SLC8A1: variants seen among roughly 807,000 people sequenced by gnomAD.
SLC8A1 encodes the protein sodium/calcium exchanger 1.
A neutral mutation model predicts 68.3 loss-of-function variants in SLC8A1; 18 were observed. The observed-to-expected ratio is 0.26, with a 90% CI of 0.18 to 0.39. The LOEUF is 0.39. Ranked by LOEUF, SLC8A1 falls within the 10% of genes least tolerant of loss-of-function variation. SLC8A1 has a pLI of 1.00. For missense variants in SLC8A1, 985 were observed against 1,156.7 expected (o/e 0.85, Z 2.15); for synonymous variants, 475 against 415.5 (o/e 1.14, Z -1.74).
rs1267235088 is a variant in SLC8A1 at position 40,494,013 on chromosome 2, AC to A, written c.-25+18335del. ...TCAAATATTAATACAACTTGGATAA[AC>A]TTTTTTTTTTCCTTATCTACCTGAA... On this transcript the variant is annotated intron_variant, in intron 1 of 7. Transcript: ENST00000402441. 3.3e-5 allele frequency among the ~76,000 whole-genome samples: 5 copies of A among 149,916 alleles called. No individual in the cohort carries two copies. The East Asian group carries it at 7.8e-4, about 24-fold the overall frequency.
intron 2 of SLC8A1, among the ~76,000 whole-genome samples, chr2:40,306,478 T>G (rs1194735861): frequency 6.6e-6 from 1 of 152,164 alleles, no homozygotes; most frequent in Non-Finnish European, 1.5e-5. Flanking sequence ...GTGGAATATT[T>G]CAGTGCAAAC....
At chr2:40,277,314 G>T (rs1272090778) in intron 2 of SLC8A1, among the ~76,000 whole-genome samples, 1 of 152,036 alleles carries the variant, frequency 6.6e-6, no homozygotes. Context: ...GCCAAGGCGG[G>T]CGATCACTTG....
intron 2 of SLC8A1, among the ~76,000 whole-genome samples, chr2:40,363,761 A>G (rs1348536223): frequency 6.6e-6 from 1 of 152,102 alleles, no homozygotes; most frequent in Non-Finnish European, 1.5e-5. Flanking sequence ...AGTTGTTATG[A>G]GGACTGTGCC....
intron 1 of SLC8A1, among the ~76,000 whole-genome samples, chr2:40,504,718 C>T (rs910510653): frequency 3.3e-5 from 5 of 151,970 alleles, no homozygotes; most frequent in Admixed American, 6.6e-5. Context: ...ATGTGCTCAA[C>T]ACCACTGATC....
chr2:40,133,709 C>CT (rs1421644157), intron 7 of SLC8A1, among the ~76,000 whole-genome samples: 1 of 57,478 alleles, frequency 1.7e-5, no homozygotes, highest in South Asian at 7.6e-4. Context: ...AATCCCCCCC[C>CT]CCCACCGACT....
At chr2:40,342,487 T>C (rs547673559) in intron 2 of SLC8A1, among the ~76,000 whole-genome samples, 6 of 143,914 alleles carry the variant, frequency 4.2e-5, no homozygotes, top group Middle Eastern at 3.6e-3. Flanking sequence ...TTGAAAAGAA[T>C]AGTAGTAAAA....
intron 1 of SLC8A1, among the ~76,000 whole-genome samples, chr2:40,447,577 C>T (rs574558993): frequency 1.4e-4 from 17 of 122,370 alleles, no homozygotes; most frequent in African/African-American, 5.1e-4. Flanking sequence ...ACCTGATAAA[C>T]CAATCCAAGT....
At chr2:40,348,995 C>G (rs1181707144) in intron 2 of SLC8A1, among the ~76,000 whole-genome samples, 1 of 152,236 alleles carries the variant, frequency 6.6e-6, no homozygotes, top group Middle Eastern at 3.4e-3. Context: ...TTTTGAGAAT[C>G]TGAGGAATGT....
intron 1 of SLC8A1, among the ~76,000 whole-genome samples, chr2:40,432,415 GTGTGTGTGTA>G (rs1426488018): frequency 4.1e-5 from 6 of 144,814 alleles, no homozygotes; most frequent in South Asian, 2.3e-4. Context: ...GTGTGTGTGT[GTGTGTGTGTA>G]TGTGTCAGTG....
At position 40,219,044 on chromosome 2, in the gene SLC8A1, A is replaced by T. The variant is rs376845140; in HGVS notation, c.1809-41189T>A. Among the ~76,000 whole-genome samples the T allele has an allele frequency of 2.0e-5, 3 of 152,366 alleles. No individual in the cohort carries two copies. The East Asian group carries it at 5.8e-4, about 29-fold the overall frequency. On this transcript the variant is annotated intron_variant, in intron 2 of 7. Transcript: ENST00000406785. The stretch of plus-strand genomic sequence containing the variant: ...AAGTCAAATCCTATTTCTTGGTCTG[A>T]TATAATCTCCATAATCATAAAGATC...
chr2:40,356,576 CA>C (rs1559368195), intron 2 of SLC8A1, among the ~76,000 whole-genome samples: 1 of 149,556 alleles, frequency 6.7e-6, no homozygotes, highest in Non-Finnish European at 1.5e-5. Flanking sequence ...ATGTTGGTTT[CA>C]AAATCACGTA....
intron 7 of SLC8A1, among the ~76,000 whole-genome samples, chr2:40,135,696 C>T (rs986354348): frequency 3.3e-5 from 5 of 151,940 alleles, no homozygotes; most frequent in Non-Finnish European, 7.4e-5. Flanking sequence ...CCAGCCTGGG[C>T]GACAGAGCGA....
At chr2:40,115,225 T>C (rs529067751) in exon 8 of SLC8A1, 18 of 1,476,524 alleles carry the variant, frequency 1.2e-5, no homozygotes, top group Non-Finnish European at 1.5e-5. Context: ...TATGTATATA[T>C]ATAAATTTAC....
intron 2 of SLC8A1, among the ~76,000 whole-genome samples, chr2:40,205,019 T>G (rs2055123039): frequency 6.6e-6 from 1 of 152,112 alleles, no homozygotes; most frequent in Admixed American, 6.6e-5. Context: ...GCTTCACTTT[T>G]CATACGTGCA....
At chr2:40,500,283 C>G (rs974315812) in intron 1 of SLC8A1, among the ~76,000 whole-genome samples, 10 of 152,096 alleles carry the variant, frequency 6.6e-5, no homozygotes, top group African/African-American at 2.4e-4. Context: ...TGGACCATAC[C>G]TTTCTCATAT....
chr2:40,364,454 A>AC (rs1230622594), intron 2 of SLC8A1, among the ~76,000 whole-genome samples: 2 of 151,688 alleles, frequency 1.3e-5, no homozygotes, highest in South Asian at 2.1e-4. Flanking sequence ...GTAAAACAAA[A>AC]AAAAAACAAT....
At chr2:40,354,688 T>C (rs1320672822) in intron 2 of SLC8A1, among the ~76,000 whole-genome samples, 2 of 152,060 alleles carry the variant, frequency 1.3e-5, no homozygotes, top group African/African-American at 4.8e-5. Flanking sequence ...TAACATATAA[T>C]ATTCAGAGTG....
chr2:40,160,009 T>C (rs2045379871), intron 6 of SLC8A1, among the ~76,000 whole-genome samples: 1 of 152,144 alleles, frequency 6.6e-6, no homozygotes, highest in Admixed American at 6.6e-5. Flanking sequence ...GGAGGGATCT[T>C]TAAAGAGAGC....
chr2:40,353,457 T>C (rs75690329), intron 2 of SLC8A1, among the ~76,000 whole-genome samples: 17 of 152,236 alleles, frequency 1.1e-4, no homozygotes, highest in Non-Finnish European at 2.4e-4. Context: ...AAAATGGCTC[T>C]GACCCATTAT....
Sources: allele counts gnomAD v4.1 joint callset (sites outside exome capture counted in the v4.1 genomes callset), GRCh38; gene constraint gnomAD v4.1.1; transcripts MANE v1.5; gene names NCBI Gene and HGNC (gene_info 2026-07-23, HGNC 2026-07-21).